The following KIRREL1 variants were observed in gnomAD, a reference collection of about 807,000 sequenced individuals.
KIRREL1 encodes kin of IRRE-like protein 1.
In KIRREL1, 25 loss-of-function variants were observed where a neutral mutation model predicts 83.3. The ratio of observed to expected loss-of-function variants is 0.30; its 90% CI spans 0.22 to 0.42. The LOEUF is 0.42. Ranked by LOEUF, KIRREL1 falls within the 10% of genes least tolerant of loss-of-function variation. The pLI is 1.00. For synonymous variants in KIRREL1, 388 were observed against 410.4 expected, an observed-to-expected ratio of 0.95 and a Z score of 0.66; for missense variants, 812 against 1,032.3, an observed-to-expected ratio of 0.79 and a Z score of 2.92.
intron 1 of KIRREL1, among the ~76,000 whole-genome samples, chr1:158,059,614 G>T (rs1263726263): frequency 6.6e-6 from 1 of 152,148 alleles, no homozygotes; most frequent in Non-Finnish European, 1.5e-5. Flanking sequence ...GGTTAGGAAA[G>T]TGGCCTTTAG....
chr1:158,022,734 G>C (rs889178002), intron 1 of KIRREL1, among the ~76,000 whole-genome samples: 1 of 152,118 alleles, frequency 6.6e-6, no homozygotes, highest in African/African-American at 2.4e-5. Context: ...TAACTTAATC[G>C]GAAGGGCGGG....
At position 158,086,610 on chromosome 1, in the gene KIRREL1, T is replaced by C. The variant is rs947637833; in HGVS notation, c.525T>C (p.Asp175=). The C allele has an allele frequency of 6.4e-7, 1 of 1,551,568 alleles. No individual in the cohort carries two copies. Among genetic ancestry groups the C allele is most frequent in the Non-Finnish European group, 8.7e-7 (1 of 1,146,924 alleles). ...GAVASTELLK[D]GKRETTVSQL... ...TCATGTTCCAGGAATTGCTGAAGGA[T>C]GGGAAGAGGGAGACCACCGTGAGCC... The change falls in exon 5 of 15, where the codon GAT becomes GAC. Residue 175 remains aspartate (D), a synonymous_variant. Coordinates refer to ENST00000359209, the MANE Select transcript of KIRREL1 (RefSeq NM_018240.7).
In KIRREL1 at chr1:158,052,623, C is replaced by CAA. The variant is rs34175701; in HGVS notation, c.53-23477_53-23476dup. Among the ~76,000 whole-genome samples, 115 of 131,914 alleles carry CAA rather than the reference C, an allele frequency of 8.7e-4. 3 individuals are homozygous for CAA. The highest frequency in any genetic ancestry group is 2.2e-3 in the South Asian group (9 of 4,024). The allele number at this position is 131,914 out of a possible 152,430, so 86.5% of individuals were successfully genotyped here. The stretch of plus-strand genomic sequence containing the variant: ...TGAAACCCCATCTCTACTAAAAATA[C>CAA]AAAAAAAAAAAAAATAGCCGGGCGT... On this transcript the variant is annotated intron_variant, in intron 1 of 14. Transcript: ENST00000359209.
chr1:158,023,050 C>T (rs112764500), intron 1 of KIRREL1, among the ~76,000 whole-genome samples: 8 of 152,184 alleles, frequency 5.3e-5, no homozygotes, highest in African/African-American at 1.9e-4. Flanking sequence ...CAGGTTTTGG[C>T]TGCAGCCATG....
At chr1:158,028,676 CT>C (rs1557994736) in intron 1 of KIRREL1, among the ~76,000 whole-genome samples, 4 of 152,086 alleles carry the variant, frequency 2.6e-5, no homozygotes, top group Non-Finnish European at 4.4e-5. Flanking sequence ...ATTTTTTTAA[CT>C]TATGTAACTG....
chr1:158,094,258 G>A lies in KIRREL1; in HGVS notation c.1720-55G>A. On this transcript the variant is annotated intron_variant, in intron 13 of 14. Coordinates refer to ENST00000359209, the MANE Select transcript of KIRREL1 (RefSeq NM_018240.7). This position sits in a 1 kb window ranked among gnomAD's most constrained non-coding sequence, Gnocchi z 4.6. ...CTGAGCGTGGGGAGGGGTTGGTGAGGGGCGAAAAGAGCAGGGCTTCCGTCT... is the reference window on the plus strand; with the variant it reads ...CTGAGCGTGGGGAGGGGTTGGTGAGAGGCGAAAAGAGCAGGGCTTCCGTCT... 2.7e-6 allele frequency: 4 copies of A among 1,496,032 alleles called. No individual in the cohort carries two copies. Among genetic ancestry groups the A allele is most frequent in the Non-Finnish European group, 3.7e-6 (4 of 1,092,232 alleles). 92.7% of individuals were successfully genotyped at this position (1,496,032 alleles called of 1,614,324 possible). A position where few individuals can be genotyped will look rare whatever the true frequency, so the allele number is the denominator to read the frequency against.
chr1:158,052,419 T>C (rs1438137424), intron 1 of KIRREL1, among the ~76,000 whole-genome samples: 1 of 152,180 alleles, frequency 6.6e-6, no homozygotes, highest in African/African-American at 2.4e-5. Context: ...ACTTTTATCA[T>C]TGTACCTTGT....
chr1:158,051,800 A>G (rs1312429741), intron 1 of KIRREL1, among the ~76,000 whole-genome samples: 1 of 152,094 alleles, frequency 6.6e-6, no homozygotes, highest in Non-Finnish European at 1.5e-5. Context: ...CTGCCTCCCC[A>G]TCACCACACC....
rs1296387013 is a variant in KIRREL1 at position 158,096,717 on chromosome 1, A to G, written c.*1597A>G. 4 of 456,588 alleles carry G rather than the reference A, an allele frequency of 8.8e-6. No homozygotes were observed. Among genetic ancestry groups the G allele is most frequent in the Middle Eastern group, 6.5e-4 (2 of 3,098 alleles). The allele number at this position is 456,588 out of a possible 1,614,324, so 28.3% of individuals were successfully genotyped here. On this transcript the variant is annotated 3_prime_UTR_variant, in exon 15 of 15. Transcript: ENST00000359209. ...CTCAGCCACCACTTTCTGACCAAAG[A>G]GAACAGGCGCTCCAAGGAGAACCTG...
intron 7 of KIRREL1, 67 bp from the exon 8 acceptor site, chr1:158,088,260 G>A: frequency 6.2e-7 from 1 of 1,601,972 alleles, no homozygotes; most frequent in Non-Finnish European, 8.5e-7. Context: ...CAGGGCAGGA[G>A]GAAGATTGAT....
At chr1:158,083,729 C>T (rs989455567) in intron 3 of KIRREL1, among the ~76,000 whole-genome samples, 30 of 152,128 alleles carry the variant, frequency 2.0e-4, no homozygotes, top group African/African-American at 6.3e-4. Flanking sequence ...GCCACCTTTC[C>T]GAGCCAGACT....
intron 1 of KIRREL1, among the ~76,000 whole-genome samples, chr1:158,068,009 C>T (rs375023626): frequency 1.1e-4 from 17 of 152,222 alleles, no homozygotes; most frequent in South Asian, 8.3e-4. Context: ...AGAAGGGAGG[C>T]GGTGGCCAAG....
At chr1:158,037,023 C>A (rs1409651623) in intron 1 of KIRREL1, among the ~76,000 whole-genome samples, 2 of 152,174 alleles carry the variant, frequency 1.3e-5, no homozygotes, top group African/African-American at 2.4e-5. Flanking sequence ...TTCAGGGCCT[C>A]CCGTGTCTCC....
chr1:158,044,286 C>A (rs2101583608), intron 1 of KIRREL1, among the ~76,000 whole-genome samples: 1 of 152,244 alleles, frequency 6.6e-6, no homozygotes, highest in East Asian at 1.9e-4. Flanking sequence ...AGGCTTAATG[C>A]AAGGTCCTGC....
At chr1:158,053,743 A>G (rs1027031388) in intron 1 of KIRREL1, among the ~76,000 whole-genome samples, 3 of 152,248 alleles carry the variant, frequency 2.0e-5, no homozygotes, top group Non-Finnish European at 4.4e-5. Context: ...CTCAAGGACA[A>G]GGCTATTCCT....
intron 1 of KIRREL1, among the ~76,000 whole-genome samples, chr1:158,059,805 C>G (rs1280883993): frequency 2.6e-5 from 4 of 152,060 alleles, no homozygotes; most frequent in Non-Finnish European, 5.9e-5. Context: ...TTATGCTGTA[C>G]CTGGCTCTGA....
At position 158,015,662 on chromosome 1, in the gene KIRREL1, A is replaced by T. The variant is rs537699417; in HGVS notation, c.52+21934A>T. 5.7e-4 allele frequency among the ~76,000 whole-genome samples: 86 copies of T among 152,212 alleles called. No homozygotes were observed. In the East Asian group the frequency reaches 0.016, roughly 28 times the overall value. ...GCTACTTTACCTAAGCTTCTGGTTCATTTTTTTATGGTTACTGTAAATTGT... is the reference window on the plus strand; with the variant it reads ...GCTACTTTACCTAAGCTTCTGGTTCTTTTTTTTATGGTTACTGTAAATTGT... On this transcript the variant is annotated intron_variant, in intron 1 of 14. Coordinates refer to ENST00000359209, the MANE Select transcript of KIRREL1 (RefSeq NM_018240.7).
intron 1 of KIRREL1, among the ~76,000 whole-genome samples, chr1:158,069,615 C>A (rs1485404534): frequency 6.6e-6 from 1 of 151,978 alleles, no homozygotes; most frequent in Non-Finnish European, 1.5e-5. Flanking sequence ...GGTGGAGAAA[C>A]CCCTGGGGAC....
chr1:158,078,446 C>T (rs1352355696), intron 3 of KIRREL1, among the ~76,000 whole-genome samples: 2 of 152,164 alleles, frequency 1.3e-5, no homozygotes, highest in African/African-American at 2.4e-5. Context: ...GAAGCAGGGA[C>T]GTATGGAGTG....
Sources: allele counts gnomAD v4.1 joint callset (sites outside exome capture counted in the v4.1 genomes callset), GRCh38; gene constraint gnomAD v4.1.1; non-coding constraint Gnocchi (gnomAD v3.1); transcripts MANE v1.5; gene names NCBI Gene and HGNC (gene_info 2026-07-23, HGNC 2026-07-21).